The following LRRC20 variants were observed in gnomAD, a reference collection of about 807,000 sequenced individuals.
The protein encoded by LRRC20 is leucine-rich repeat-containing protein 20.
A neutral mutation model predicts 14.4 loss-of-function variants in LRRC20; 11 were observed. The ratio of observed to expected loss-of-function variants is 0.77; its 90% confidence interval spans 0.48 to 1.27. The LOEUF (loss-of-function observed/expected upper bound fraction) is 1.27, where lower values mean the gene tolerates loss of function less well. Ranked by LOEUF, LRRC20 falls within the 50% of genes most tolerant of loss-of-function variation. The pLI is 0.00. For synonymous variants in LRRC20, 121 were observed against 107.3 expected (o/e 1.13, Z -0.79); for missense variants, 219 against 251.2 (o/e 0.87, Z 0.87).
At chr10:70,326,753 C>T (rs533873535) in intron 3 of LRRC20, among the ~76,000 whole-genome samples, 6 of 152,222 alleles carry the variant, frequency 3.9e-5, no homozygotes, top group East Asian at 3.9e-4. Flanking sequence ...CCTGGGTTCA[C>T]GCCATTCTCC....
At chr10:70,351,348 C>T (rs756294032) in intron 2 of LRRC20, among the ~76,000 whole-genome samples, 10 of 152,218 alleles carry the variant, frequency 6.6e-5, no homozygotes, top group African/African-American at 1.7e-4. Flanking sequence ...CTGAGTAACA[C>T]AGCCTCCAAT....
chr10:70,304,470 T>TTATATAGATATA (rs1554835659), intron 4 of LRRC20, among the ~76,000 whole-genome samples: 10 of 113,826 alleles, frequency 8.8e-5, no homozygotes, highest in African/African-American at 2.4e-4. Context: ...GGCCACTTCT[T>TTATATAGATATA]TATATATATA....
chr10:70,304,584 C>A (rs536936868), intron 4 of LRRC20, among the ~76,000 whole-genome samples: 1 of 148,486 alleles, frequency 6.7e-6, no homozygotes, highest in South Asian at 2.1e-4. Flanking sequence ...AATAAATTTA[C>A]CATACTAACC....
At chr10:70,335,005 C>T (rs903315245) in intron 3 of LRRC20, among the ~76,000 whole-genome samples, 4 of 152,168 alleles carry the variant, frequency 2.6e-5, no homozygotes, top group Admixed American at 2.6e-4. Flanking sequence ...AGGCTCCCCC[C>T]AGGTGTCATG....
intron 3 of LRRC20, among the ~76,000 whole-genome samples, chr10:70,326,330 A>ACACACACACG (rs1554838457): frequency 1.4e-4 from 21 of 151,082 alleles, no homozygotes; most frequent in African/African-American, 2.4e-4. Context: ...ACACACACAC[A>ACACACACACG]CACGCACGCG....
chr10:70,318,772 G>A (rs1841969860), intron 4 of LRRC20, among the ~76,000 whole-genome samples: 2 of 149,730 alleles, frequency 1.3e-5, no homozygotes, highest in African/African-American at 4.9e-5. Flanking sequence ...AAAAAAAAGT[G>A]TTGTTACTGT....
intron 4 of LRRC20, among the ~76,000 whole-genome samples, chr10:70,313,049 T>G (rs778248891): frequency 3.9e-5 from 6 of 152,178 alleles, no homozygotes; most frequent in Non-Finnish European, 7.4e-5. Flanking sequence ...CCACAGCCTT[T>G]CCCTCCAAAG....
chr10:70,325,918 T>A lies in LRRC20; in HGVS notation c.233-1888A>T, dbSNP rs190371457. Among the ~76,000 whole-genome samples, 407 of 152,092 alleles carry A rather than the reference T, an allele frequency of 2.7e-3. 1 individual carries two copies. The highest frequency in any genetic ancestry group is 9.2e-3 in the African/African-American group (382 of 41,422). ...AATATGAATTTCATGATTCTACACA[T>A]GATTTTAATGCTCTCATAATTGCAC... On this transcript the variant is annotated intron_variant, in intron 3 of 4. Coordinates refer to ENST00000446961, the MANE Select transcript of LRRC20 (RefSeq NM_001278212.2).
chr10:70,338,375 C>T (rs1466633290), intron 3 of LRRC20, among the ~76,000 whole-genome samples: 4 of 152,222 alleles, frequency 2.6e-5, no homozygotes, highest in African/African-American at 9.6e-5. Flanking sequence ...ATGAGATAGG[C>T]TTGCTCGGGT....
Position 70,299,529 on chromosome 10 carries a change from A to G in LRRC20, c.*1825T>C, listed in dbSNP as rs1487812937. On this transcript the variant is annotated 3_prime_UTR_variant, in exon 5 of 5. Transcript: ENST00000446961. ...GAGGCCTAGACTCTGCATTCCTAAC[A>G]AGCTCCCAGGTGTCACTGCCGCTGC... is the stretch of plus-strand genomic sequence containing the variant. The G allele has an allele frequency of 2.6e-5, 4 of 152,250 alleles. No individual in the cohort carries two copies. The highest frequency in any genetic ancestry group is 9.7e-5 in the African/African-American group (4 of 41,412). 9.4% of individuals were successfully genotyped at this position (152,250 alleles called of 1,614,324 possible).
chr10:70,349,245 C>A (rs1357142704), intron 2 of LRRC20, among the ~76,000 whole-genome samples: 1 of 152,198 alleles, frequency 6.6e-6, no homozygotes, highest in Non-Finnish European at 1.5e-5. Context: ...CCTAAACCAG[C>A]AGAGGCCAAG....
At position 70,300,822 on chromosome 10, in the gene LRRC20, G is replaced by A; in HGVS notation, c.*532C>T. 1.0e-6 allele frequency: 1 copy of A among 985,850 alleles called. No individual in the cohort carries two copies. The highest frequency in any genetic ancestry group is 1.2e-6 in the Non-Finnish European group (1 of 830,258). The allele number at this position is 985,850 out of a possible 1,614,324, so 61.1% of individuals were successfully genotyped here. The stretch of plus-strand genomic sequence containing the variant: ...CCACCAGTCCAGGGACCACAGGACT[G>A]AAGACTGGGCCCTGCAGAGGGCCGC... On this transcript the variant is annotated 3_prime_UTR_variant, in exon 5 of 5. Transcript: ENST00000446961.
chr10:70,323,177 C>T (rs537048164), intron 4 of LRRC20, among the ~76,000 whole-genome samples: 2 of 152,114 alleles, frequency 1.3e-5, no homozygotes, highest in South Asian at 2.1e-4. Context: ...AGAGACCCCA[C>T]CCAGTGCCCA....
intron 4 of LRRC20, among the ~76,000 whole-genome samples, chr10:70,322,469 T>C (rs568204431): frequency 6.6e-6 from 1 of 152,302 alleles, no homozygotes; most frequent in South Asian, 2.1e-4. Flanking sequence ...GCCCCTGGGA[T>C]TAGCAGGACA....
At chr10:70,335,512 A>G (rs1489007828) in intron 3 of LRRC20, among the ~76,000 whole-genome samples, 1 of 152,222 alleles carries the variant, frequency 6.6e-6, no homozygotes, top group African/African-American at 2.4e-5. Context: ...GAGGGAACTC[A>G]TCGCTTTGGA....
At chr10:70,367,098 G>A (rs1844029313) in intron 2 of LRRC20, among the ~76,000 whole-genome samples, 1 of 152,106 alleles carries the variant, frequency 6.6e-6, no homozygotes, top group Admixed American at 6.5e-5. Flanking sequence ...GCTGAGGCAG[G>A]AGGAATGCTT....
At chr10:70,374,287 G>T (rs913644853) in intron 2 of LRRC20, among the ~76,000 whole-genome samples, 4 of 151,156 alleles carry the variant, frequency 2.6e-5, no homozygotes, top group African/African-American at 9.7e-5. Flanking sequence ...CCTCCCCTGC[G>T]GCCTCTCCAC....
chr10:70,324,163 C>A (rs1276703370), intron 3 of LRRC20, 133 bp from the exon 4 acceptor site: 2 of 744,614 alleles, frequency 2.7e-6, no homozygotes, highest in African/African-American at 1.8e-5. Context: ...ACAGAGGGAG[C>A]CCCGCACAGG....
intron 4 of LRRC20, among the ~76,000 whole-genome samples, chr10:70,315,673 G>T (rs979860934): frequency 6.6e-6 from 1 of 152,124 alleles, no homozygotes; most frequent in Non-Finnish European, 1.5e-5. Flanking sequence ...CCCCACAGAG[G>T]ATCAGGGTCA....
Sources: allele counts gnomAD v4.1 joint callset (sites outside exome capture counted in the v4.1 genomes callset), GRCh38; gene constraint gnomAD v4.1.1; transcripts MANE v1.5; gene names NCBI Gene and HGNC (gene_info 2026-07-23, HGNC 2026-07-21).